NAV2: variants seen among roughly 807,000 people sequenced by gnomAD.
NAV2 encodes helicase, APC down-regulated 1.
NAV2 carries 54 observed loss-of-function variants against 223.2 expected under a neutral mutation model. The observed-to-expected ratio is 0.24, with a 90% CI of 0.19 to 0.30. NAV2 has a LOEUF of 0.30. NAV2 is among the 10% of genes least tolerant of loss of function. The pLI, the probability that NAV2 is intolerant of heterozygous loss-of-function variation, is 1.00. For synonymous variants in NAV2, 1,279 were observed against 1,239.3 expected (o/e 1.03, Z -0.67); for missense variants, 2,806 against 3,147.5 (o/e 0.89, Z 2.60).
intron 1 of NAV2, among the ~76,000 whole-genome samples, chr11:19,425,371 A>G (rs1013841062): frequency 6.6e-6 from 1 of 152,210 alleles, no homozygotes; most frequent in Non-Finnish European, 1.5e-5. Context: ...GACATTGATC[A>G]TGCTCTTCCC....
chr11:19,923,193 G>T (rs2044430641), intron 6 of NAV2, among the ~76,000 whole-genome samples: 1 of 152,016 alleles, frequency 6.6e-6, no homozygotes, highest in South Asian at 2.1e-4. Flanking sequence ...GATTTAGCTT[G>T]TAAACCCATT....
chr11:19,469,234 C>T (rs546573077), intron 1 of NAV2, among the ~76,000 whole-genome samples: 27 of 152,310 alleles, frequency 1.8e-4, no homozygotes, highest in African/African-American at 6.5e-4. Context: ...CCAAGAACAT[C>T]CATGTGTGAA....
At chr11:20,051,169 C>A (rs1235535805) in intron 16 of NAV2, 120 bp from the exon 17 acceptor site, 7 of 790,170 alleles carry the variant, frequency 8.9e-6, no homozygotes, top group Non-Finnish European at 1.6e-5. Context: ...CTGGATAAGG[C>A]ACTTCCTGGT....
chr11:19,605,601 G>A (rs919433510), intron 1 of NAV2, among the ~76,000 whole-genome samples: 3 of 152,010 alleles, frequency 2.0e-5, no homozygotes, highest in East Asian at 1.9e-4. Context: ...ACCTGTGCAA[G>A]GGAGCATGTG....
chr11:19,369,297 G>A (rs1450646137), intron 1 of NAV2, among the ~76,000 whole-genome samples: 4 of 152,140 alleles, frequency 2.6e-5, no homozygotes, highest in African/African-American at 7.2e-5. Context: ...ACATTGGAAC[G>A]ACCCATTGCA....
chr11:20,092,397 G>C (rs975602700), intron 28 of NAV2, 29 bp downstream of exon 28: 1 of 1,592,374 alleles, frequency 6.3e-7, no homozygotes, highest in African/African-American at 1.3e-5. Flanking sequence ...TTGGGGGCAG[G>C]AATGGACCTA....
intron 1 of NAV2, among the ~76,000 whole-genome samples, chr11:19,563,869 G>A (rs568068905): frequency 6.6e-6 from 1 of 152,314 alleles, no homozygotes; most frequent in East Asian, 1.9e-4. Context: ...AGAGAGTTAA[G>A]GGAGGTAAAG....
chr11:19,788,280 GT>G (rs1319458881), intron 1 of NAV2, among the ~76,000 whole-genome samples: 2 of 152,130 alleles, frequency 1.3e-5, no homozygotes, highest in Non-Finnish European at 2.9e-5. Flanking sequence ...AAATGTCTCC[GT>G]AAGTTTCCAG....
At chr11:19,905,387 A>G (rs753165538) in intron 6 of NAV2, among the ~76,000 whole-genome samples, 1 of 152,146 alleles carries the variant, frequency 6.6e-6, no homozygotes, top group African/African-American at 2.4e-5. Flanking sequence ...CTCATCTAAG[A>G]GCCAGATAGG....
chr11:19,602,449 G>A (rs756902512), intron 1 of NAV2, among the ~76,000 whole-genome samples: 4 of 152,028 alleles, frequency 2.6e-5, no homozygotes, highest in Non-Finnish European at 5.9e-5. Context: ...GTGCTGGGAT[G>A]ACAGGCATGA....
At chr11:19,416,946 C>G (rs1306459264) in intron 1 of NAV2, among the ~76,000 whole-genome samples, 1 of 152,194 alleles carries the variant, frequency 6.6e-6, no homozygotes, top group Non-Finnish European at 1.5e-5. Flanking sequence ...AACATTAACT[C>G]AAGGTGGATT....
chr11:19,601,477 C>A lies in NAV2; in HGVS notation c.76-231007C>A, dbSNP rs79673441. On this transcript the variant is annotated intron_variant, in intron 1 of 37. Transcript: ENST00000360655. ...ATGTGTGTCAGTCTGGGCTTCCTAC[C>A]CTGACCATAAGTTTCTTGTGGGCAT... 3.4e-3 allele frequency among the ~76,000 whole-genome samples: 511 copies of A among 152,234 alleles called. 5 individuals carry two copies. Among genetic ancestry groups the A allele is most frequent in the East Asian group, 0.02 (102 of 5,166 alleles).
intron 1 of NAV2, chr11:19,777,611 G>A (rs552978561): frequency 6.8e-6 from 3 of 440,984 alleles, no homozygotes; most frequent in African/African-American, 4.1e-5. Context: ...TGGCCCGGGT[G>A]GTGGAAAGCC....
At chr11:19,561,721 A>G (rs2045104621) in intron 1 of NAV2, among the ~76,000 whole-genome samples, 1 of 152,068 alleles carries the variant, frequency 6.6e-6, no homozygotes, top group African/African-American at 2.4e-5. Flanking sequence ...TTCTTATACC[A>G]CTTGGCATTG....
At chr11:19,386,504 G>C (rs1183028724) in intron 1 of NAV2, among the ~76,000 whole-genome samples, 1 of 152,168 alleles carries the variant, frequency 6.6e-6, no homozygotes, top group Non-Finnish European at 1.5e-5. Context: ...CTCAGTGGAG[G>C]CATAAGATGC....
At chr11:19,798,896 T>C (rs954808395) in intron 1 of NAV2, among the ~76,000 whole-genome samples, 1 of 152,198 alleles carries the variant, frequency 6.6e-6, no homozygotes, top group African/African-American at 2.4e-5. Context: ...ACAAAATCCC[T>C]AAATTTACAT....
At chr11:19,748,129 G>A (rs1317857631) in intron 1 of NAV2, among the ~76,000 whole-genome samples, 2 of 152,198 alleles carry the variant, frequency 1.3e-5, no homozygotes, top group Non-Finnish European at 1.5e-5. Context: ...TGGACTGGTG[G>A]AGGCAGAGAG....
intron 1 of NAV2, among the ~76,000 whole-genome samples, chr11:19,543,922 G>A (rs941067095): frequency 2.6e-5 from 4 of 152,198 alleles, no homozygotes; most frequent in Admixed American, 6.5e-5. Flanking sequence ...TACAATGAAT[G>A]TGAGTGTACT....
chr11:19,648,748 C>A (rs1352889671), intron 1 of NAV2, among the ~76,000 whole-genome samples: 2 of 152,064 alleles, frequency 1.3e-5, no homozygotes, highest in African/African-American at 4.8e-5. Context: ...ATATATCTGT[C>A]CTTTGAAAAT....
Sources: allele counts gnomAD v4.1 joint callset (sites outside exome capture counted in the v4.1 genomes callset), GRCh38; gene constraint gnomAD v4.1.1; transcripts MANE v1.5; gene names NCBI Gene and HGNC (gene_info 2026-07-23, HGNC 2026-07-21).